ZNF846: variants seen among roughly 807,000 people sequenced by gnomAD.
ZNF846 encodes the protein zinc finger protein 420 pseudogene.
Under a neutral mutation model 16.0 loss-of-function variants are expected in ZNF846, and 15 were observed. The observed-to-expected ratio is 0.94, with a 90% confidence interval of 0.63 to 1.45. ZNF846 has a LOEUF of 1.45. Ranked by LOEUF, ZNF846 falls within the 40% of genes most tolerant of loss-of-function variation. The pLI is 0.00. For synonymous variants in ZNF846, 229 were observed against 212.0 expected, an observed-to-expected ratio of 1.08 and a Z score of -0.70; for missense variants, 714 against 622.3, an observed-to-expected ratio of 1.15 and a Z score of -1.57.
chr19:9,760,268 G>A (rs910431085), intron 4 of ZNF846, among the ~76,000 whole-genome samples: 6 of 150,172 alleles, frequency 4.0e-5, no homozygotes, highest in African/African-American at 1.5e-4. Context: ...CTCCAGCCTG[G>A]GCTACAGAGC....
chr19:9,759,706 G>A (rs2045191536), intron 5 of ZNF846, among the ~76,000 whole-genome samples, 154 bp downstream of exon 5: 1 of 151,750 alleles, frequency 6.6e-6, no homozygotes, highest in African/African-American at 2.4e-5. Context: ...AAATATGTTT[G>A]TAGTAAGTTT....
chr19:9,762,594 A>G (rs2045248468), intron 3 of ZNF846: 1 of 160,646 alleles, frequency 6.2e-6, no homozygotes, highest in Non-Finnish European at 1.4e-5. Flanking sequence ...TACACATTTA[A>G]AGTCTTAAAG....
upstream of ZNF846, among the ~76,000 whole-genome samples, chr19:9,772,046 G>A (rs1019042677): frequency 2.0e-4 from 30 of 152,146 alleles, 1 homozygote; most frequent in African/African-American, 7.2e-4. Flanking sequence ...GAATACAGGT[G>A]TGAGCCACCA....
chr19:9,760,266 T>C lies in ZNF846; in HGVS notation c.230-324A>G, dbSNP rs2045203432. Among the ~76,000 whole-genome samples, 4 of 149,588 alleles carry C rather than the reference T, an allele frequency of 2.7e-5. No homozygotes were observed. The South Asian group carries it at 8.4e-4, about 31-fold the overall frequency. ...TGAGATCCACCACTGCACTCCAGCC[T>C]GGGCTACAGAGCAAGACTTCGTCTC... On this transcript the variant is annotated intron_variant, in intron 4 of 5. Coordinates refer to ENST00000397902, the Ensembl canonical transcript of ZNF846.
chr19:9,780,048 G>GTTTTTTTTTTTTTTTTTTTTTTT (rs558280116), intron 1 of ZNF846, among the ~76,000 whole-genome samples: 1 of 124,310 alleles, frequency 8.0e-6, no homozygotes. Context: ...AGCTAATTTT[G>GTTTTTTTTTTTTTTTTTTTTTTT]TTTTTTTTTT....
At chr19:9,762,285 C>T (rs2045243988) in intron 3 of ZNF846, 117 bp from the exon 4 acceptor site, 1 of 718,740 alleles carries the variant, frequency 1.4e-6, no homozygotes, top group Non-Finnish European at 2.4e-6. Context: ...TGTAACTTTA[C>T]AAATAGCAAA....
intron 1 of ZNF846, among the ~76,000 whole-genome samples, chr19:9,779,284 T>TTTC (rs1568330568): frequency 2.0e-5 from 3 of 152,012 alleles, no homozygotes; most frequent in African/African-American, 7.3e-5. Flanking sequence ...TTATTTATTT[T>TTTC]TGAGACTGAG....
At chr19:9,765,797 G>A (rs1316982144) in intron 1 of ZNF846, among the ~76,000 whole-genome samples, 1 of 151,880 alleles carries the variant, frequency 6.6e-6, no homozygotes, top group African/African-American at 2.4e-5. Flanking sequence ...TTGTCCAGGG[G>A]GTGGCTCATG....
chr19:9,775,683 G>A (rs1319209267), intron 1 of ZNF846, among the ~76,000 whole-genome samples: 1 of 152,178 alleles, frequency 6.6e-6, no homozygotes, highest in East Asian at 1.9e-4. Flanking sequence ...ATTTTTGGGT[G>A]ATTAACGTAA....
At chr19:9,776,575 C>A (rs1052230733) in intron 1 of ZNF846, among the ~76,000 whole-genome samples, 8 of 152,238 alleles carry the variant, frequency 5.3e-5, no homozygotes, top group Admixed American at 4.6e-4. Flanking sequence ...TACCCTGCCC[C>A]TTTTGCTTTG....
downstream of ZNF846, among the ~76,000 whole-genome samples, chr19:9,751,540 A>C (rs2045083423): frequency 6.6e-6 from 1 of 151,616 alleles, no homozygotes; most frequent in South Asian, 2.1e-4. Context: ...ATTCCTCCCC[A>C]CCCTTGTGAA....
At chr19:9,782,406 AG>A (rs772842732) in intron 1 of ZNF846, among the ~76,000 whole-genome samples, 3 of 152,066 alleles carry the variant, frequency 2.0e-5, no homozygotes, top group Non-Finnish European at 4.4e-5. Context: ...CTGGAACTTC[AG>A]GTGTGCACCA....
intron 1 of ZNF846, among the ~76,000 whole-genome samples, chr19:9,777,717 C>T (rs1308906114): frequency 6.6e-6 from 1 of 151,776 alleles, no homozygotes; most frequent in Non-Finnish European, 1.5e-5. Flanking sequence ...GAGTTTGGGG[C>T]CAGGTGCGAT....
chr19:9,757,331 A>C, downstream of ZNF846: 3 of 658,526 alleles, frequency 4.6e-6, no homozygotes, highest in Non-Finnish European at 7.5e-6. Context: ...CCTATTCCTT[A>C]TATCACTGGG....
intron 1 of ZNF846, among the ~76,000 whole-genome samples, chr19:9,776,250 G>A (rs942477488): frequency 6.6e-6 from 1 of 152,222 alleles, no homozygotes; most frequent in Non-Finnish European, 1.5e-5. Flanking sequence ...CTCTTGTGGA[G>A]GGCCTGACAT....
chr19:9,768,429 A>G (rs1050251054), exon 1 of ZNF846: 2 of 152,148 alleles, frequency 1.3e-5, no homozygotes, highest in Non-Finnish European at 2.9e-5. Flanking sequence ...GTGGTTGGAG[A>G]AAAAAACACG....
At chr19:9,778,120 C>T (rs1407018420) in intron 1 of ZNF846, among the ~76,000 whole-genome samples, 1 of 151,924 alleles carries the variant, frequency 6.6e-6, no homozygotes, top group Non-Finnish European at 1.5e-5. Context: ...GGTATATCTA[C>T]TAGACAAGGA....
chr19:9,756,348 T>TATATATATATATATAA (rs1368808153), downstream of ZNF846: 2 of 22,986 alleles, frequency 8.7e-5, no homozygotes, highest in African/African-American at 2.4e-4. Flanking sequence ...TGTGTGTGTA[T>TATATATATATATATAA]ATATATATAT....
At chr19:9,754,534 C>T (rs949696882), downstream of ZNF846, among the ~76,000 whole-genome samples, 1 of 133,380 alleles carries the variant, frequency 7.5e-6, no homozygotes, top group Non-Finnish European at 1.5e-5. Context: ...CATTGCACTC[C>T]AGCCTGGGCG....
Sources: allele counts gnomAD v4.1 joint callset (sites outside exome capture counted in the v4.1 genomes callset), GRCh38; gene constraint gnomAD v4.1.1; transcripts MANE v1.5; gene names NCBI Gene and HGNC (gene_info 2026-07-23, HGNC 2026-07-21).